The following FGL1 variants were observed in gnomAD, a reference collection of about 807,000 sequenced individuals.
FGL1 encodes the protein fibrinogen-like protein 1.
In FGL1, 59 loss-of-function variants were observed where a neutral mutation model predicts 43.7. The ratio of observed to expected loss-of-function variants is 1.35; its 90% CI spans 1.10 to 1.68. The LOEUF is 1.68. Ranked by LOEUF, FGL1 falls within the 40% of genes most tolerant of loss-of-function variation. The pLI, the probability that FGL1 is intolerant of heterozygous loss-of-function variation, is 0.00. For synonymous variants in FGL1, 192 were observed against 126.5 expected (o/e 1.52, Z -3.48); for missense variants, 596 against 373.0 (o/e 1.60, Z -4.92).
intron 1 of FGL1, among the ~76,000 whole-genome samples, chr8:17,892,098 A>G (rs1332964788): frequency 6.6e-6 from 1 of 152,308 alleles, no homozygotes; most frequent in South Asian, 2.1e-4. Context: ...GAGCAAAATT[A>G]TAATAGCTAT....
At chr8:17,879,637 T>C (rs2053505439) in intron 3 of FGL1, among the ~76,000 whole-genome samples, 1 of 152,140 alleles carries the variant, frequency 6.6e-6, no homozygotes, top group Admixed American at 6.6e-5. Flanking sequence ...TGCTTTGCCG[T>C]CTGCCATGAT....
chr8:17,895,335 C>T, intron 1 of FGL1, 112 bp downstream of exon 1: 1 of 1,160,702 alleles, frequency 8.6e-7, no homozygotes. Context: ...GTCAACCTGA[C>T]TTCTTGCAAA....
intron 3 of FGL1, among the ~76,000 whole-genome samples, chr8:17,875,543 T>TCTCTCTCTCTCTCTCTCTCTC (rs1563452419): frequency 5.9e-5 from 1 of 16,828 alleles, no homozygotes; most frequent in African/African-American, 1.7e-4. Context: ...TTCTCTTTCT[T>TCTCTCTCTCTCTCTCTCTCTC]TCTTTCTTTC....
At chr8:17,876,416 C>T (rs2053457039) in intron 3 of FGL1, among the ~76,000 whole-genome samples, 2 of 152,002 alleles carry the variant, frequency 1.3e-5, no homozygotes, top group African/African-American at 2.4e-5. Flanking sequence ...TGGGACCAAC[C>T]ATATACTCCT....
In FGL1 at chr8:17,868,947, T is replaced by C; in HGVS notation, c.560A>G (p.Gln187Arg). 6.2e-7 allele frequency: 1 copy of C among 1,603,900 alleles called. No individual in the cohort carries two copies. Among genetic ancestry groups the C allele is most frequent in the Non-Finnish European group, 8.5e-7 (1 of 1,176,904 alleles). Residue 187 changes from glutamine (Q) to arginine (R), a missense_variant, in exon 6 of 8, where the codon CAA (glutamine) becomes CGA (arginine). Gln to Arg is a conservative substitution (Grantham distance 43). Coordinates refer to ENST00000427924, the MANE Select transcript of FGL1 (RefSeq NM_004467.4). ...ADFEKNSRYAQYKNFKVGDEK... is the reference protein window; with the variant it reads ...ADFEKNSRYARYKNFKVGDEK... ...ATCTCCAACTTTGAAATTCTTATAT[T>C]GTGCATAACGGCTATTTTTTTCAAA... is the stretch of plus-strand genomic sequence containing the variant.
chr8:17,871,519 C>T (rs556693148), intron 5 of FGL1, among the ~76,000 whole-genome samples: 3 of 150,678 alleles, frequency 2.0e-5, no homozygotes, highest in Admixed American at 6.6e-5. Flanking sequence ...AAAAAAACTT[C>T]TATTATAACA....
intron 5 of FGL1, among the ~76,000 whole-genome samples, chr8:17,870,940 C>A (rs574102793): frequency 3.4e-4 from 37 of 109,612 alleles, no homozygotes; most frequent in African/African-American, 1.2e-3. Context: ...TCCCCTCAAG[C>A]TTAAGGGTGC....
intron 1 of FGL1, among the ~76,000 whole-genome samples, chr8:17,887,739 G>T (rs2053650416): frequency 1.3e-5 from 2 of 151,992 alleles, no homozygotes; most frequent in South Asian, 2.1e-4. Context: ...GGAGGCTGAG[G>T]CAGGAGAATT....
At chr8:17,887,218 A>G (rs1203795920) in intron 1 of FGL1, among the ~76,000 whole-genome samples, 2 of 152,156 alleles carry the variant, frequency 1.3e-5, no homozygotes, top group African/African-American at 2.4e-5. Flanking sequence ...CTGGAGGAAC[A>G]GCAGAGCTTC....
At chr8:17,869,055 G>T in intron 5 of FGL1, 51 bp from the exon 6 acceptor site, 2 of 1,070,792 alleles carry the variant, frequency 1.9e-6, no homozygotes, top group Non-Finnish European at 2.8e-6. Flanking sequence ...GACATGACAC[G>T]GACTACTGCG....
chr8:17,871,699 G>A (rs2653410), intron 5 of FGL1, among the ~76,000 whole-genome samples: 99,235 of 151,884 alleles, frequency 0.65, 33,504 homozygotes, highest in Non-Finnish European at 0.76. Context: ...TTCATTAGCC[G>A]TAATGCTCTC....
chr8:17,889,541 C>T (rs914336469), intron 1 of FGL1, among the ~76,000 whole-genome samples: 2 of 152,186 alleles, frequency 1.3e-5, no homozygotes, highest in African/African-American at 2.4e-5. Context: ...CAGAGCGACA[C>T]TCCACCTCAA....
chr8:17,882,393 G>A, intron 2 of FGL1: 1 of 432,324 alleles, frequency 2.3e-6, no homozygotes, highest in East Asian at 4.0e-5. Context: ...GGACTCAAAA[G>A]ATCAAATAAT....
chr8:17,880,492 G>A (rs1055787504), intron 3 of FGL1, among the ~76,000 whole-genome samples: 4 of 152,096 alleles, frequency 2.6e-5, no homozygotes, highest in Admixed American at 6.6e-5. Context: ...AGTCAAATAG[G>A]TGTCCGAATT....
At chr8:17,876,246 A>C (rs1477777235) in intron 3 of FGL1, among the ~76,000 whole-genome samples, 1 of 152,226 alleles carries the variant, frequency 6.6e-6, no homozygotes, top group African/African-American at 2.4e-5. Context: ...AGATTTAAAA[A>C]CAAATGTTCA....
At chr8:17,874,776 T>C (rs1017740327) in intron 3 of FGL1, 41 of 283,838 alleles carry the variant, frequency 1.4e-4, no homozygotes, top group Admixed American at 5.1e-5. Flanking sequence ...GAATCTAGTT[T>C]TTTGTTTCTT....
rs139691812 is a variant in FGL1 at position 17,868,984 on chromosome 8, C to T, written c.523G>A (p.Asp175Asn). 2.5e-5 allele frequency: 40 copies of T among 1,600,778 alleles called. No individual in the cohort carries two copies. The highest frequency in any genetic ancestry group is 6.9e-5 in the Admixed American group (4 of 57,746). Residue 175 changes from aspartate to asparagine, a missense_variant, in exon 6 of 8, where the codon GAC (aspartate) becomes AAC (asparagine). Transcript: ENST00000427924. Reference protein sequence around the residue: ...TTQEDYTLKIDLADFEKNSRY... With the variant: ...TTQEDYTLKINLADFEKNSRY... ...CTATTTTTTTCAAAATCTGCAAGGT[C>T]GATTTTTAAAGTGTAGTCTTCTAAA...
At chr8:17,879,963 A>G (rs13274621) in intron 3 of FGL1, among the ~76,000 whole-genome samples, 30,214 of 152,120 alleles carry the variant, frequency 0.2, 4,181 homozygotes, top group African/African-American at 0.39. Flanking sequence ...TGGAGTAATG[A>G]TGATCCACTG....
Position 17,874,456 on chromosome 8 carries a change from T to A in FGL1, c.310A>T (p.Ser104Cys), listed in dbSNP as rs1365731937. The change falls in exon 4 of 8, where the codon AGC (serine) becomes TGC (cysteine). Residue 104 changes from serine to cysteine, a missense_variant. Physicochemically the swap from Ser to Cys is moderately radical, Grantham distance 112. Coordinates refer to ENST00000427924, the MANE Select transcript of FGL1 (RefSeq NM_004467.4). ...SGFYKIKPLQ[S>C]PAEFSVYCDM... ...CAATAAACAGAAAATTCTGCTGGGC[T>A]CTGGAGAGGTTTGATTTTGTAAAAT... The A allele has an allele frequency of 6.2e-7, 1 of 1,613,988 alleles. No individual in the cohort carries two copies. Among genetic ancestry groups the A allele is most frequent in the Non-Finnish European group, 8.5e-7 (1 of 1,179,990 alleles).
Sources: gnomAD v4.1 joint callset for allele counts (sites outside exome capture counted in the v4.1 genomes callset) on GRCh38, gnomAD v4.1.1 for gene constraint, MANE v1.5 for transcripts, NCBI Gene and HGNC (gene_info 2026-07-23, HGNC 2026-07-21) for gene names.